Variants in TMTC1 observed in about 807,000 individuals in gnomAD.
TMTC1 encodes the protein protein O-mannosyl-transferase TMTC1.
A neutral mutation model predicts 104.8 loss-of-function variants in TMTC1; 73 were observed. The observed-to-expected ratio is 0.70, with a 90% CI of 0.58 to 0.85. The LOEUF (loss-of-function observed/expected upper bound fraction) is 0.85, where lower values mean the gene tolerates loss of function less well. Ranked by LOEUF, TMTC1 falls within the 40% of genes least tolerant of loss-of-function variation. TMTC1 has a pLI of 0.00. For synonymous variants in TMTC1, 434 were observed against 428.7 expected (o/e 1.01, Z -0.15); for missense variants, 1,035 against 1,096.1 (o/e 0.94, Z 0.79).
chr12:29,541,927 G>C (rs945075216), intron 10 of TMTC1, among the ~76,000 whole-genome samples: 2 of 152,070 alleles, frequency 1.3e-5, no homozygotes, highest in African/African-American at 4.8e-5. Flanking sequence ...AAAGTACTGG[G>C]ATTACAGGCA....
rs1234301809 is a variant in TMTC1 at position 29,518,463 on chromosome 12, G to A, written c.2024+9C>T. 3 of 1,609,042 alleles carry A rather than the reference G, an allele frequency of 1.9e-6. No homozygotes were observed. The highest frequency in any genetic ancestry group is 2.5e-6 in the Non-Finnish European group (3 of 1,176,882). ...GGGCAACTTATAAAGAAAAGAAAGG[G>A]AACTTTACCGCTTGTACCATTCTTC... On this transcript the variant is annotated intron_variant, in intron 13 of 17. Transcript: ENST00000539277.
At chr12:29,634,515 C>T (rs2052676) in intron 5 of TMTC1, among the ~76,000 whole-genome samples, 104,977 of 152,040 alleles carry the variant, frequency 0.69, 36,578 homozygotes, top group East Asian at 0.83. Context: ...GCCCAGTCAC[C>T]TCTGCACAAA....
chr12:29,528,137 C>A (rs571224009), intron 11 of TMTC1, among the ~76,000 whole-genome samples: 101 of 152,290 alleles, frequency 6.6e-4, no homozygotes, highest in South Asian at 2.1e-3. Context: ...ATGCATTTAT[C>A]TTAAATAACA....
chr12:29,702,234 T>C (rs1433748584), intron 5 of TMTC1, among the ~76,000 whole-genome samples: 1 of 152,198 alleles, frequency 6.6e-6, no homozygotes, highest in Admixed American at 6.5e-5. Context: ...CCCACCTTCA[T>C]TTACCTTCTG....
chr12:29,618,877 T>C (rs1230766348), intron 6 of TMTC1, among the ~76,000 whole-genome samples: 2 of 152,234 alleles, frequency 1.3e-5, no homozygotes, highest in Admixed American at 6.5e-5. Flanking sequence ...GTTACAAAAA[T>C]ATCTTCTGAC....
At position 29,536,224 on chromosome 12, in the gene TMTC1, C is replaced by G; in HGVS notation, c.1770G>C (p.Ser590=). ...EFADAYSSLA[S]LLAEQERFKE... is the part of the protein sequence containing the mutation. ...AAACAATTACCTGCTCAGCCAATAA[C>G]GAAGCTAAGCTTGAATATGCATCTG... The change falls in exon 11 of 18, where the codon TCG becomes TCC. Residue 590 remains serine (S), a synonymous_variant. Coordinates refer to ENST00000539277, the MANE Select transcript of TMTC1 (RefSeq NM_001193451.2). The G allele has an allele frequency of 6.2e-7, 1 of 1,608,534 alleles. No individual in the cohort carries two copies. The highest frequency in any genetic ancestry group is 8.5e-7 in the Non-Finnish European group (1 of 1,175,580).
chr12:29,705,493 T>C (rs1941714434), intron 5 of TMTC1, among the ~76,000 whole-genome samples: 2 of 152,160 alleles, frequency 1.3e-5, no homozygotes, highest in Admixed American at 1.3e-4. Flanking sequence ...GAGGACTCAG[T>C]CACTGGAGAC....
chr12:29,571,051 T>C (rs1945662943), intron 9 of TMTC1, among the ~76,000 whole-genome samples: 1 of 152,154 alleles, frequency 6.6e-6, no homozygotes, highest in Non-Finnish European at 1.5e-5. Flanking sequence ...GAGACAATCC[T>C]AGTAGACACT....
chr12:29,658,653 C>A, intron 5 of TMTC1: 1 of 209,576 alleles, frequency 4.8e-6, no homozygotes, highest in South Asian at 8.6e-5. Flanking sequence ...CCTTCCTTTT[C>A]GAACAGGAAC....
intron 10 of TMTC1, among the ~76,000 whole-genome samples, chr12:29,543,962 C>T (rs1434180526): frequency 6.6e-6 from 1 of 151,968 alleles, no homozygotes; most frequent in Non-Finnish European, 1.5e-5. Context: ...AAAATATTTT[C>T]GCCAGGTGCA....
At chr12:29,749,264 G>A (rs1251690560) in intron 5 of TMTC1, among the ~76,000 whole-genome samples, 3 of 151,918 alleles carry the variant, frequency 2.0e-5, no homozygotes, top group Non-Finnish European at 2.9e-5. Context: ...AAAGAAAAAT[G>A]AACATTCCTC....
chr12:29,596,283 A>G (rs1946402343), intron 7 of TMTC1, among the ~76,000 whole-genome samples: 1 of 152,198 alleles, frequency 6.6e-6, no homozygotes, highest in Non-Finnish European at 1.5e-5. Flanking sequence ...CTGGGATTAC[A>G]GGTGTGACCC....
intron 6 of TMTC1, among the ~76,000 whole-genome samples, chr12:29,625,780 G>A (rs957790639): frequency 2.0e-5 from 3 of 152,164 alleles, no homozygotes; most frequent in Admixed American, 6.5e-5. Context: ...ACACTTGACC[G>A]AGATGACAGC....
At chr12:29,656,608 C>T (rs12816723) in intron 5 of TMTC1, among the ~76,000 whole-genome samples, 35,309 of 151,770 alleles carry the variant, frequency 0.23, 4,185 homozygotes, top group Middle Eastern at 0.28. Context: ...AAAGATGTTT[C>T]TCAAAAGAAA....
chr12:29,685,847 G>T (rs1007972171), intron 5 of TMTC1, among the ~76,000 whole-genome samples: 1 of 150,294 alleles, frequency 6.7e-6, no homozygotes, highest in African/African-American at 2.5e-5. Flanking sequence ...ATAGGCTAAT[G>T]CACTTATAGA....
At chr12:29,777,092 CCT>C (rs988735270) in intron 1 of TMTC1, among the ~76,000 whole-genome samples, 2 of 140,732 alleles carry the variant, frequency 1.4e-5, no homozygotes, top group Non-Finnish European at 3.1e-5. Flanking sequence ...TCCTTACCCC[CCT>C]CTCTCTCTTT....
At chr12:29,712,650 C>T in intron 5 of TMTC1, among the ~76,000 whole-genome samples, 1 of 152,154 alleles carries the variant, frequency 6.6e-6, no homozygotes, top group East Asian at 1.9e-4. Context: ...GCTGAATTCC[C>T]ATATTTCCTT....
intron 5 of TMTC1, among the ~76,000 whole-genome samples, chr12:29,718,938 A>AT (rs1276291363): frequency 2.6e-5 from 4 of 151,804 alleles, no homozygotes; most frequent in Admixed American, 6.6e-5. Context: ...ATCTCAAAAA[A>AT]AAAAAAAAAA....
At chr12:29,651,978 G>A (rs892343948) in intron 5 of TMTC1, among the ~76,000 whole-genome samples, 1 of 151,906 alleles carries the variant, frequency 6.6e-6, no homozygotes, top group Non-Finnish European at 1.5e-5. Context: ...GATGATTAAT[G>A]TAAGTTACCT....
Sources: gnomAD v4.1 joint callset for allele counts (sites outside exome capture counted in the v4.1 genomes callset) on GRCh38, gnomAD v4.1.1 for gene constraint, MANE v1.5 for transcripts, NCBI Gene and HGNC (gene_info 2026-07-23, HGNC 2026-07-21) for gene names.